The following ETF1 variants were observed in gnomAD, a reference collection of about 807,000 sequenced individuals.
ETF1 encodes eukaryotic peptide chain release factor subunit 1.
Under a neutral mutation model 55.1 loss-of-function variants are expected in ETF1, and 4 were observed. That is an observed-to-expected ratio of 0.07 (90% CI 0.04 to 0.17). ETF1 has a LOEUF of 0.17. Among genes scored for constraint, ETF1 ranks in the 10% least tolerant of loss-of-function variants. The pLI is 1.00. For missense variants in ETF1, 142 were observed against 523.6 expected (o/e 0.27, Z 7.11); for synonymous variants, 157 against 182.3 (o/e 0.86, Z 1.12).
At chr5:138,508,492 C>T (rs1764639430) in intron 10 of ETF1, 105 bp from the exon 11 acceptor site, 1 of 1,569,018 alleles carries the variant, frequency 6.4e-7, no homozygotes, top group African/African-American at 1.4e-5. Flanking sequence ...TGCAGAATTG[C>T]AGAAAGCAAA....
chr5:138,524,768 G>A (rs1376758074), intron 2 of ETF1, among the ~76,000 whole-genome samples: 2 of 151,614 alleles, frequency 1.3e-5, no homozygotes, highest in African/African-American at 2.4e-5. Context: ...AGTAGAGATG[G>A]GGTTTCACCA....
chr5:138,540,130 T>A (rs1766112844), intron 2 of ETF1, among the ~76,000 whole-genome samples: 1 of 152,204 alleles, frequency 6.6e-6, no homozygotes. Context: ...CACATAGGAT[T>A]ATCTTAATTT....
At chr5:138,514,824 G>T (rs1764950631) in intron 4 of ETF1, among the ~76,000 whole-genome samples, 1 of 152,130 alleles carries the variant, frequency 6.6e-6, no homozygotes. Flanking sequence ...AGAAAATATT[G>T]AAACAGTCCT....
intron 2 of ETF1, among the ~76,000 whole-genome samples, chr5:138,528,140 T>A (rs1765555187): frequency 6.6e-6 from 1 of 152,192 alleles, no homozygotes. Context: ...GAGAATAGTT[T>A]CCTAAGATGC....
At chr5:138,512,010 G>T in intron 6 of ETF1, 1 of 395,426 alleles carries the variant, frequency 2.5e-6, no homozygotes, top group Non-Finnish European at 3.4e-6. Flanking sequence ...ACCAGCCTAG[G>T]CAACATGGTG....
chr5:138,531,185 A>G (rs1470545065), intron 2 of ETF1, among the ~76,000 whole-genome samples: 1 of 152,332 alleles, frequency 6.6e-6, no homozygotes, highest in Non-Finnish European at 1.5e-5. Context: ...TAAGGTGCTT[A>G]TAAGACCTGA....
intron 2 of ETF1, among the ~76,000 whole-genome samples, chr5:138,525,160 A>C (rs1376663421): frequency 6.7e-6 from 1 of 150,232 alleles, no homozygotes; most frequent in African/African-American, 2.5e-5. Context: ...TACTATTAAT[A>C]ATTTTTTTTT....
chr5:138,522,733 G>A (rs1765284919), intron 2 of ETF1, among the ~76,000 whole-genome samples: 1 of 152,216 alleles, frequency 6.6e-6, no homozygotes, highest in Non-Finnish European at 1.5e-5. Context: ...TTGGCCAGGT[G>A]TGGTGGCTCA....
chr5:138,523,006 A>AAAAC (rs145234315), intron 2 of ETF1, among the ~76,000 whole-genome samples: 216 of 150,968 alleles, frequency 1.4e-3, no homozygotes, highest in South Asian at 0.013. Context: ...ACTCCATCTC[A>AAAAC]AAACAAACAA....
chr5:138,521,002 AC>A (rs1252911542), intron 2 of ETF1, among the ~76,000 whole-genome samples: 2 of 152,118 alleles, frequency 1.3e-5, no homozygotes, highest in East Asian at 3.8e-4. Flanking sequence ...TCAATTACAT[AC>A]CCAAGAGTGA....
chr5:138,528,014 C>T (rs1323509330), intron 2 of ETF1, among the ~76,000 whole-genome samples: 4 of 152,186 alleles, frequency 2.6e-5, no homozygotes, highest in East Asian at 1.9e-4. Flanking sequence ...TCAGGTGATC[C>T]GCCCGCCTCA....
chr5:138,520,168 G>C (rs893106444), intron 2 of ETF1, among the ~76,000 whole-genome samples: 3 of 145,190 alleles, frequency 2.1e-5, no homozygotes, highest in African/African-American at 5.2e-5. Context: ...TTTTTTGAAA[G>C]CATAAACAAG....
At chr5:138,537,332 G>A (rs1484878684) in intron 2 of ETF1, among the ~76,000 whole-genome samples, 1 of 152,100 alleles carries the variant, frequency 6.6e-6, no homozygotes, top group East Asian at 1.9e-4. Flanking sequence ...ATCAATGTTT[G>A]TATATACAAA....
chr5:138,509,124 T>C, intron 9 of ETF1: 1 of 985,118 alleles, frequency 1.0e-6, no homozygotes, highest in Non-Finnish European at 1.2e-6. Flanking sequence ...TGTTGTAGTG[T>C]CTCTAAGCAG....
At chr5:138,512,660 A>C in intron 6 of ETF1, 104 bp downstream of exon 6, 1 of 1,070,518 alleles carries the variant, frequency 9.3e-7, no homozygotes, top group Non-Finnish European at 1.3e-6. Context: ...CAAGTTTTTA[A>C]CCCAAGGAAT....
At chr5:138,510,999 T>A in intron 8 of ETF1, 46 bp downstream of exon 8, 1 of 1,595,692 alleles carries the variant, frequency 6.3e-7, no homozygotes, top group Non-Finnish European at 8.5e-7. Context: ...ACCCCAGGCT[T>A]CCTGGCTCAG....
At position 138,530,359 on chromosome 5, in the gene ETF1, G is replaced by A. The variant is rs375063662; in HGVS notation, c.87-11492C>T. On this transcript the variant is annotated intron_variant, in intron 2 of 10. Coordinates refer to ENST00000360541, the MANE Select transcript of ETF1 (RefSeq NM_004730.4). ...AGTGGTGTGATCTCGGCTCACTGCA[G>A]CTTCTGCCTGCTGGATTCAAGTGAT... 2.4e-4 allele frequency among the ~76,000 whole-genome samples: 36 copies of A among 152,008 alleles called. 1 individual carries two copies. In the South Asian group the frequency reaches 6.0e-3, roughly 25 times the overall value.
At chr5:138,529,105 G>A (rs2127110542) in intron 2 of ETF1, among the ~76,000 whole-genome samples, 1 of 152,086 alleles carries the variant, frequency 6.6e-6, no homozygotes, top group Middle Eastern at 3.4e-3. Context: ...CTACAGCCTG[G>A]GTGACAGAGC....
intron 2 of ETF1, among the ~76,000 whole-genome samples, chr5:138,527,133 G>A (rs761354853): frequency 7.2e-5 from 11 of 152,116 alleles, no homozygotes; most frequent in African/African-American, 1.9e-4. Context: ...CACTGTACCC[G>A]GCCCAGAAAA....
Sources: allele counts gnomAD v4.1 joint callset (sites outside exome capture counted in the v4.1 genomes callset), GRCh38; gene constraint gnomAD v4.1.1; transcripts MANE v1.5; gene names NCBI Gene and HGNC (gene_info 2026-07-23, HGNC 2026-07-21).